The following ADAMTS12 variants were observed in gnomAD, a reference collection of about 807,000 sequenced individuals.
ADAMTS12 encodes ADAM metallopeptidase with thrombospondin type 1 motif 12.
ADAMTS12 carries 118 observed loss-of-function variants against 167.8 expected under a neutral mutation model. The ratio of observed to expected loss-of-function variants is 0.70; its 90% confidence interval spans 0.61 to 0.82. The LOEUF (loss-of-function observed/expected upper bound fraction) is 0.82, where lower values mean the gene tolerates loss of function less well. Among genes scored for constraint, ADAMTS12 ranks in the 40% least tolerant of loss-of-function variants. ADAMTS12 has a pLI of 0.00. For synonymous variants in ADAMTS12, 704 were observed against 716.9 expected (o/e 0.98, Z 0.29); for missense variants, 1,916 against 1,998.8 (o/e 0.96, Z 0.79).
rs373506167 is a variant in ADAMTS12 at position 33,658,151 on chromosome 5, G to T, written c.1190+33C>A. Reference sequence around the variant, plus strand: ...TCTGCTGATATTGACACATGAATATGGTGAGCAAACCTCCCTATCATTGGC... The same window carrying T: ...TCTGCTGATATTGACACATGAATATTGTGAGCAAACCTCCCTATCATTGGC... On this transcript the variant is annotated intron_variant, in intron 7 of 23. Transcript: ENST00000504830. 33 of 1,610,118 alleles carry T rather than the reference G, an allele frequency of 2.0e-5. No individual in the cohort carries two copies. In the African/African-American group the frequency reaches 4.0e-4, roughly 20 times the overall value.
chr5:33,792,791 T>C (rs573191860), intron 2 of ADAMTS12, among the ~76,000 whole-genome samples: 16 of 152,384 alleles, frequency 1.0e-4, no homozygotes, highest in African/African-American at 3.8e-4. Context: ...GACAACTTGG[T>C]GAGCAGAGTG....
At position 33,576,711 on chromosome 5, in the gene ADAMTS12, A is replaced by G. The variant is rs375730904; in HGVS notation, c.3315T>C (p.Asn1105=). 3 of 1,614,014 alleles carry G rather than the reference A, an allele frequency of 1.9e-6. No homozygotes were observed. The highest frequency in any genetic ancestry group is 1.3e-5 in the African/African-American group (1 of 74,908). The change falls in exon 19 of 24, where the codon AAT becomes AAC. Residue 1105 remains asparagine (N), a synonymous_variant. Coordinates refer to ENST00000504830, the MANE Select transcript of ADAMTS12 (RefSeq NM_030955.4). ...TAGGACCAGTATCTGAACTGGAAAC[A>G]TTTTCCTCACTTGGCTGAATGCTCA... ...QSLSIQPSEE[N]VSSSDTGPTS...
At chr5:33,733,998 TACACACACACAC>T (rs147754057) in intron 3 of ADAMTS12, among the ~76,000 whole-genome samples, 4,860 of 139,420 alleles carry the variant, frequency 0.035, 87 homozygotes, top group Non-Finnish European at 0.039. Context: ...ACTTCCCCAC[TACACACACACAC>T]ACACACACAC....
At chr5:33,658,077 ATC>A (rs1741124208) in intron 7 of ADAMTS12, 105 bp downstream of exon 7, 3 of 1,394,978 alleles carry the variant, frequency 2.2e-6, no homozygotes, top group Non-Finnish European at 3.0e-6. Flanking sequence ...CCACAGTATA[ATC>A]TGAGTCTCCT....
At chr5:33,692,137 G>C (rs1305166200) in intron 3 of ADAMTS12, among the ~76,000 whole-genome samples, 2 of 152,180 alleles carry the variant, frequency 1.3e-5, no homozygotes, top group Admixed American at 1.3e-4. Flanking sequence ...TGTTCTGGGT[G>C]CATGGCTTCC....
At chr5:33,641,695 C>T in intron 11 of ADAMTS12, 115 bp downstream of exon 11, 1 of 1,044,192 alleles carries the variant, frequency 9.6e-7, no homozygotes, top group Non-Finnish European at 1.3e-6. Context: ...CCTGGGAACC[C>T]ATTTAATTTA....
chr5:33,586,759 C>CA (rs1561147872), intron 18 of ADAMTS12, among the ~76,000 whole-genome samples: 3 of 152,176 alleles, frequency 2.0e-5, no homozygotes, highest in Admixed American at 1.3e-4. Flanking sequence ...ATTTTGACAA[C>CA]ACTGTAATTC....
At chr5:33,756,812 C>T (rs1028644081) in intron 2 of ADAMTS12, among the ~76,000 whole-genome samples, 3 of 152,172 alleles carry the variant, frequency 2.0e-5, no homozygotes, top group Non-Finnish European at 4.4e-5. Context: ...ATCAGGGATA[C>T]AGCAACACAA....
intron 17 of ADAMTS12, among the ~76,000 whole-genome samples, chr5:33,595,315 C>T (rs1456078039): frequency 1.3e-5 from 2 of 152,292 alleles, no homozygotes; most frequent in African/African-American, 2.4e-5. Context: ...GATTTTACCC[C>T]GTAGTGGAAA....
chr5:33,663,521 G>A (rs1431008996), intron 5 of ADAMTS12, among the ~76,000 whole-genome samples: 1 of 152,164 alleles, frequency 6.6e-6, no homozygotes, highest in Admixed American at 6.5e-5. Context: ...TTTTACATAC[G>A]CTGTCTCTTT....
At chr5:33,610,114 G>C (rs1738653214) in intron 16 of ADAMTS12, among the ~76,000 whole-genome samples, 1 of 152,198 alleles carries the variant, frequency 6.6e-6, no homozygotes, top group Non-Finnish European at 1.5e-5. Context: ...CTGGGAGGTG[G>C]AGGTTGCGGT....
intron 23 of ADAMTS12, among the ~76,000 whole-genome samples, chr5:33,528,304 A>G (rs114030867): frequency 0.015 from 2,326 of 152,278 alleles, 46 homozygotes; most frequent in African/African-American, 0.048. Flanking sequence ...AAAAGACTAC[A>G]TATTGGGTAT....
At chr5:33,794,199 A>G (rs1438477844) in intron 2 of ADAMTS12, among the ~76,000 whole-genome samples, 2 of 152,166 alleles carry the variant, frequency 1.3e-5, no homozygotes, top group Non-Finnish European at 2.9e-5. Context: ...CAGCTTCTCC[A>G]GTGGAGGTGT....
At chr5:33,548,725 C>CACAG (rs1458297038) in intron 21 of ADAMTS12, among the ~76,000 whole-genome samples, 1 of 151,884 alleles carries the variant, frequency 6.6e-6, no homozygotes, top group African/African-American at 2.4e-5. Context: ...CACACACACA[C>CACAG]ACACTCGTTA....
At chr5:33,826,123 T>C (rs1579968464) in intron 2 of ADAMTS12, among the ~76,000 whole-genome samples, 1 of 152,212 alleles carries the variant, frequency 6.6e-6, no homozygotes, top group African/African-American at 2.4e-5. Context: ...TCTATACTCC[T>C]AGATGATTTG....
chr5:33,533,197 A>G (rs1230537972), intron 23 of ADAMTS12, among the ~76,000 whole-genome samples: 2 of 152,252 alleles, frequency 1.3e-5, no homozygotes, highest in Non-Finnish European at 2.9e-5. Context: ...ACAGTTGAAG[A>G]CAACCTACAT....
intron 19 of ADAMTS12, among the ~76,000 whole-genome samples, chr5:33,574,050 C>T (rs1311479524): frequency 6.6e-6 from 1 of 152,008 alleles, no homozygotes; most frequent in South Asian, 2.1e-4. Context: ...CAATGAGATA[C>T]CATCTCACAC....
chr5:33,567,088 T>C (rs184166546), intron 19 of ADAMTS12, among the ~76,000 whole-genome samples: 24 of 152,338 alleles, frequency 1.6e-4, no homozygotes, highest in African/African-American at 5.5e-4. Context: ...CTTGTTGGGC[T>C]TTATTTGTTA....
rs74963198 is a variant in ADAMTS12, at chr5:33,785,474, T to G, written c.490-33926A>C. On this transcript the variant is annotated intron_variant, in intron 2 of 23. Transcript: ENST00000504830. ...ACATGTGTGTGTGTACGTGTGTGTT[T>G]GTGTGTGTGCATGTATGCTCAAACT... Among the ~76,000 whole-genome samples the G allele has an allele frequency of 1.4e-3, 220 of 152,218 alleles. 2 individuals are homozygous for G. Among genetic ancestry groups the G allele is most frequent in the African/African-American group, 4.9e-3 (202 of 41,560 alleles).
Sources: gnomAD v4.1 joint callset for allele counts (sites outside exome capture counted in the v4.1 genomes callset) on GRCh38, gnomAD v4.1.1 for gene constraint, MANE v1.5 for transcripts, NCBI Gene and HGNC (gene_info 2026-07-23, HGNC 2026-07-21) for gene names.